KIF2A: variants seen among roughly 807,000 people sequenced by gnomAD.
KIF2A encodes kinesin family member 2A.
A neutral mutation model predicts 100.2 loss-of-function variants in KIF2A; 22 were observed. The ratio of observed to expected loss-of-function variants is 0.22; its 90% CI spans 0.16 to 0.31. The LOEUF (loss-of-function observed/expected upper bound fraction) is 0.31, where lower values mean the gene tolerates loss of function less well. KIF2A is among the 10% of genes least tolerant of loss of function. The pLI is 1.00. For missense variants in KIF2A, 495 were observed against 898.7 expected, an observed-to-expected ratio of 0.55 and a Z score of 5.74; for synonymous variants, 268 against 285.9, an observed-to-expected ratio of 0.94 and a Z score of 0.63.
Position 62,388,584 on chromosome 5 carries a change from T to C in KIF2A, c.*3015T>C, listed in dbSNP as rs1444074956. 6.3e-6 allele frequency: 1 copy of C among 159,934 alleles called. No individual in the cohort carries two copies. The highest frequency in any genetic ancestry group is 1.9e-4 in the East Asian group (1 of 5,374). The allele number at this position is 159,934 out of a possible 1,614,324, so 9.9% of individuals were successfully genotyped here. A position where few individuals can be genotyped will look rare whatever the true frequency, so the allele number is the denominator to read the frequency against. On this transcript the variant is annotated 3_prime_UTR_variant, in exon 21 of 21. Coordinates refer to ENST00000407818, the MANE Select transcript of KIF2A (RefSeq NM_001098511.3). ...ATAACAAGAAATGGTACGGGGAATG[T>C]GAATAACACGAAATGGTATGGGGAA...
intron 1 of KIF2A, among the ~76,000 whole-genome samples, chr5:62,336,513 T>C (rs193240761): frequency 6.6e-6 from 1 of 152,240 alleles, no homozygotes; most frequent in Admixed American, 6.5e-5. Context: ...AAAACCCCCA[T>C]GTCTGGAATT....
At chr5:62,335,802 A>G (rs1207501481) in intron 1 of KIF2A, among the ~76,000 whole-genome samples, 1 of 152,188 alleles carries the variant, frequency 6.6e-6, no homozygotes, top group Non-Finnish European at 1.5e-5. Context: ...CTAACAGATG[A>G]CATTTTCTGT....
chr5:62,306,829 C>T lies in KIF2A; in HGVS notation c.64+293C>T, dbSNP rs1048020425. The T allele has an allele frequency of 3.7e-4, 157 of 425,586 alleles. 3 individuals carry two copies. Among genetic ancestry groups the T allele is most frequent in the African/African-American group, 2.6e-3 (123 of 47,268 alleles). 26.4% of individuals were successfully genotyped at this position (425,586 alleles called of 1,614,324 possible). A position where few individuals can be genotyped will look rare whatever the true frequency, so the allele number is the denominator to read the frequency against. ...GGTCTCTGGGCGAGGGCCGCTCGCTCCTCCTCCCGCAATCTCCAGCCCCCC... is the reference window on the plus strand; with the variant it reads ...GGTCTCTGGGCGAGGGCCGCTCGCTTCTCCTCCCGCAATCTCCAGCCCCCC... On this transcript the variant is annotated intron_variant, in intron 1 of 20. Coordinates refer to ENST00000407818, the MANE Select transcript of KIF2A (RefSeq NM_001098511.3).
At position 62,348,093 on chromosome 5, in the gene KIF2A, G is replaced by C; in HGVS notation, c.205G>C (p.Asp69His). Reference protein sequence around the residue: ...IFSLNPDLVPDEEIEPSPETP... With the variant: ...IFSLNPDLVPHEEIEPSPETP... ...TTCACTTAACCCTGACCTTGTTCCT[G>C]ATGAAGAAATTGAACCCAGTCCAGA... The change falls in exon 3 of 21, where the codon GAT (aspartate) becomes CAT (histidine). Residue 69 changes from aspartate to histidine, a missense_variant. Coordinates refer to ENST00000407818, the MANE Select transcript of KIF2A (RefSeq NM_001098511.3). 6.2e-7 allele frequency: 1 copy of C among 1,613,796 alleles called. No individual in the cohort carries two copies. Among genetic ancestry groups the C allele is most frequent in the Non-Finnish European group, 8.5e-7 (1 of 1,179,762 alleles).
rs755691846 is a variant in KIF2A, at chr5:62,390,889, C to T, written c.*5320C>T. 5.0e-6 allele frequency: 8 copies of T among 1,611,884 alleles called. No individual in the cohort carries two copies. Among genetic ancestry groups the T allele is most frequent in the Non-Finnish European group, 5.9e-6 (7 of 1,179,714 alleles). ...AAATGTAATTACCTGATGAAGTCAT[C>T]TATGTCCATGGAACGGGCCCGTTTG... On this transcript the variant is annotated 3_prime_UTR_variant, in exon 21 of 21. Coordinates refer to ENST00000407818, the MANE Select transcript of KIF2A (RefSeq NM_001098511.3).
chr5:62,376,016 G>C (rs1741524915), intron 18 of KIF2A, among the ~76,000 whole-genome samples: 1 of 152,162 alleles, frequency 6.6e-6, no homozygotes, highest in Non-Finnish European at 1.5e-5. Flanking sequence ...GTTGCTTTTA[G>C]ACTCTTTAAA....
chr5:62,335,615 G>A (rs1746904501), intron 1 of KIF2A, among the ~76,000 whole-genome samples: 3 of 152,272 alleles, frequency 2.0e-5, no homozygotes, highest in South Asian at 4.1e-4. Context: ...GGATATAAAC[G>A]GGAACCTGGG....
chr5:62,329,369 G>A (rs921409469), intron 1 of KIF2A, among the ~76,000 whole-genome samples: 2 of 152,164 alleles, frequency 1.3e-5, no homozygotes, highest in Non-Finnish European at 2.9e-5. Context: ...TATTGAAGAA[G>A]GTGTAATGCT....
chr5:62,360,461 G>T (rs1748346321), intron 9 of KIF2A, among the ~76,000 whole-genome samples: 1 of 152,136 alleles, frequency 6.6e-6, no homozygotes, highest in Admixed American at 6.5e-5. Context: ...AAGGCGGGCA[G>T]ATCGCCTGTG....
chr5:62,332,609 T>G (rs1436462439), intron 1 of KIF2A, among the ~76,000 whole-genome samples: 2 of 152,196 alleles, frequency 1.3e-5, no homozygotes, highest in Non-Finnish European at 2.9e-5. Flanking sequence ...GGGGTGAACA[T>G]TATTTTTATG....
intron 1 of KIF2A, among the ~76,000 whole-genome samples, chr5:62,326,943 G>A (rs1746408936): frequency 6.6e-6 from 1 of 152,154 alleles, no homozygotes; most frequent in Non-Finnish European, 1.5e-5. Flanking sequence ...ATTGCAGTGA[G>A]CCGAGATCCA....
At chr5:62,362,626 G>T in intron 12 of KIF2A, 85 bp downstream of exon 12, 1 of 527,092 alleles carries the variant, frequency 1.9e-6, no homozygotes, top group Non-Finnish European at 3.1e-6. Context: ...TAAGTTCAGT[G>T]GCATTAAATA....
chr5:62,312,561 G>A (rs890831658), intron 1 of KIF2A, among the ~76,000 whole-genome samples: 5 of 152,118 alleles, frequency 3.3e-5, no homozygotes, highest in Non-Finnish European at 5.9e-5. Context: ...TTGAGATTAC[G>A]ATTCTTAAGA....
chr5:62,372,298 A>G (rs1224948324), intron 16 of KIF2A, 140 bp from the exon 17 acceptor site: 1 of 613,530 alleles, frequency 1.6e-6, no homozygotes, highest in Non-Finnish European at 2.8e-6. Context: ...TTATTTGTAA[A>G]ATAATATTCT....
At chr5:62,370,887 T>C (rs1213078426) in intron 16 of KIF2A, among the ~76,000 whole-genome samples, 2 of 152,074 alleles carry the variant, frequency 1.3e-5, no homozygotes, top group Non-Finnish European at 2.9e-5. Flanking sequence ...GGAAAAAATG[T>C]GTGGATGAAG....
chr5:62,385,383 T>C (rs1398927531), intron 20 of KIF2A, 101 bp from the exon 21 acceptor site: 2 of 745,430 alleles, frequency 2.7e-6, no homozygotes, highest in South Asian at 3.6e-5. Flanking sequence ...ACTGAGTTAC[T>C]GTTAGGAAAT....
intron 1 of KIF2A, among the ~76,000 whole-genome samples, chr5:62,321,136 T>C (rs1209963116): frequency 6.6e-6 from 1 of 152,256 alleles, no homozygotes; most frequent in Non-Finnish European, 1.5e-5. Context: ...TTGAATAATA[T>C]TCCATTTCAT....
intron 1 of KIF2A, among the ~76,000 whole-genome samples, chr5:62,309,211 C>G: frequency 6.6e-6 from 1 of 152,152 alleles, no homozygotes; most frequent in South Asian, 2.1e-4. Context: ...TCACCTTCAG[C>G]CTATACCAGA....
intron 9 of KIF2A, among the ~76,000 whole-genome samples, chr5:62,358,635 T>C (rs1748232945): frequency 6.6e-6 from 1 of 152,176 alleles, no homozygotes; most frequent in African/African-American, 2.4e-5. Flanking sequence ...AAGAAGACTT[T>C]TAATTTTTAC....
Sources: gnomAD v4.1 joint callset for allele counts (sites outside exome capture counted in the v4.1 genomes callset) on GRCh38, gnomAD v4.1.1 for gene constraint, MANE v1.5 for transcripts, NCBI Gene and HGNC (gene_info 2026-07-23, HGNC 2026-07-21) for gene names.